The following LINGO1 variants were observed in gnomAD, a reference collection of about 807,000 sequenced individuals.
LINGO1 encodes the protein leucine-rich repeat and immunoglobulin-like domain-containing nogo receptor-interacting protein 1.
Under a neutral mutation model 37.3 loss-of-function variants are expected in LINGO1, and 11 were observed. That is an observed-to-expected ratio of 0.29 (90% CI 0.19 to 0.49). The LOEUF (loss-of-function observed/expected upper bound fraction) is 0.49. Among genes scored for constraint, LINGO1 ranks in the 20% least tolerant of loss-of-function variants. LINGO1 has a pLI of 0.99. For missense variants in LINGO1, 585 were observed against 878.2 expected (o/e 0.67, Z 4.22); for synonymous variants, 387 against 403.0 (o/e 0.96, Z 0.48).
chr15:77,706,371 G>A (rs761731561), intron 2 of LINGO1, among the ~76,000 whole-genome samples: 1 of 152,156 alleles, frequency 6.6e-6, no homozygotes, highest in African/African-American at 2.4e-5. Context: ...CAGCAGCCAG[G>A]GCAGCACTGT....
Position 77,613,729 on chromosome 15 carries a change from C to A in LINGO1, c.*315G>T. 2.9e-6 allele frequency: 1 copy of A among 346,782 alleles called. No individual in the cohort carries two copies. The highest frequency in any genetic ancestry group is 5.3e-6 in the Non-Finnish European group (1 of 190,344). The allele number at this position is 346,782 out of a possible 1,614,324, so 21.5% of individuals were successfully genotyped here. A position where few individuals can be genotyped will look rare whatever the true frequency, so the allele number is the denominator to read the frequency against. On this transcript the variant is annotated 3_prime_UTR_variant, in exon 2 of 2. Transcript: ENST00000355300. The stretch of plus-strand genomic sequence containing the variant: ...ATAAAAATCCATAATTATTGAAACC[C>A]AAGTTACAGAGAAAGTTCGTAACTT...
At chr15:77,699,711 TCCCA>T (rs2075752584), upstream of LINGO1, among the ~76,000 whole-genome samples, 1 of 2,382 alleles carries the variant, frequency 4.2e-4, no homozygotes, top group African/African-American at 1.2e-3. Flanking sequence ...TAACCATCAT[TCCCA>T]CACACAATAA....
At chr15:77,729,128 G>A (rs1001478946) in intron 2 of LINGO1, among the ~76,000 whole-genome samples, 2 of 152,202 alleles carry the variant, frequency 1.3e-5, no homozygotes, top group Admixed American at 1.3e-4. Flanking sequence ...GGGCCCAGCC[G>A]GCACTGGGAG....
At chr15:77,753,753 G>C (rs1050398299) in intron 1 of LINGO1, among the ~76,000 whole-genome samples, 14 of 152,230 alleles carry the variant, frequency 9.2e-5, no homozygotes, top group Admixed American at 6.5e-4. Context: ...CACACACCAA[G>C]TGTGCACACA....
At chr15:77,649,120 G>C (rs1268657512) in intron 3 of LINGO1, 5 of 152,248 alleles carry the variant, frequency 3.3e-5, no homozygotes, top group Non-Finnish European at 7.3e-5. Context: ...ACTAGACGTG[G>C]TAGTGACATA....
At chr15:77,682,651 CAA>C (rs1264442306) in intron 2 of LINGO1, among the ~76,000 whole-genome samples, 4 of 152,092 alleles carry the variant, frequency 2.6e-5, no homozygotes, top group African/African-American at 9.7e-5. Flanking sequence ...GAATATTTCT[CAA>C]ACTCATATTC....
chr15:77,656,965 C>G (rs934971330), intron 3 of LINGO1, among the ~76,000 whole-genome samples: 1 of 152,184 alleles, frequency 6.6e-6, no homozygotes, highest in Non-Finnish European at 1.5e-5. Flanking sequence ...GGCTTGAGCC[C>G]TCGCTTTGGC....
chr15:77,645,068 C>T (rs1183295194), intron 3 of LINGO1, among the ~76,000 whole-genome samples: 5 of 152,204 alleles, frequency 3.3e-5, no homozygotes, highest in Admixed American at 3.3e-4. Context: ...GGTGGTGGCT[C>T]ATCAGGAGTG....
At chr15:77,636,742 C>A (rs2074404285), upstream of LINGO1, among the ~76,000 whole-genome samples, 12 of 152,264 alleles carry the variant, frequency 7.9e-5, no homozygotes, top group South Asian at 2.5e-3. Context: ...CCCTAAAAGG[C>A]TGAAGTCCAG....
chr15:77,632,370 C>T lies in LINGO1; in HGVS notation c.-55G>A. On this transcript the variant is annotated 5_prime_UTR_variant, in exon 1 of 2. Coordinates refer to ENST00000355300, the MANE Select transcript of LINGO1 (RefSeq NM_032808.7). The surrounding 1 kb of genome is among the most constrained non-coding windows in gnomAD (Gnocchi z 6.0). ...GGTCACCAATCGCATGTCTCTCCAG[C>T]CGGCCCGACCAGGCCCCAGCCCCTG... 1 of 1,372,090 alleles carries T rather than the reference C, an allele frequency of 7.3e-7. No individual in the cohort carries two copies. Among genetic ancestry groups the T allele is most frequent in the Non-Finnish European group, 9.5e-7 (1 of 1,057,816 alleles). The allele number at this position is 1,372,090 out of a possible 1,614,324, so 85.0% of individuals were successfully genotyped here. A position where few individuals can be genotyped will look rare whatever the true frequency, so the allele number is the denominator to read the frequency against.
chr15:77,614,762 C>T lies in LINGO1; in HGVS notation c.1145G>A (p.Arg382Gln), dbSNP rs755607922. The T allele has an allele frequency of 2.5e-6, 4 of 1,607,656 alleles. No homozygotes were observed. The highest frequency in any genetic ancestry group is 1.3e-5 in the African/African-American group (1 of 74,854). Residue 382 changes from arginine (R) to glutamine (Q), a missense_variant, in exon 2 of 2, where the codon CGG (arginine) becomes CAG (glutamine). Arg to Gln is a conservative substitution (Grantham distance 43). Transcript: ENST00000355300. ...ACDCRLLWVFRRRWRLNFNRQ... is the reference protein window; with the variant it reads ...ACDCRLLWVFQRRWRLNFNRQ... ...GTTGAAGTTGAGCCGCCAGCGGCGC[C>T]GGAACACCCACAGGAGCCGACAGTC...
intron 1 of LINGO1, among the ~76,000 whole-genome samples, chr15:77,804,472 C>T (rs2141468298): frequency 6.6e-6 from 1 of 152,282 alleles, no homozygotes; most frequent in Admixed American, 6.5e-5. Context: ...GGGGTGAGCT[C>T]CCCATCGGGG....
intron 1 of LINGO1, among the ~76,000 whole-genome samples, chr15:77,624,522 AG>A (rs1596000053): frequency 6.6e-6 from 1 of 152,358 alleles, no homozygotes; most frequent in African/African-American, 2.4e-5. Context: ...GCCAGCTCGC[AG>A]CCCCTGGCCA....
At chr15:77,621,685 C>T (rs1297770597) in intron 1 of LINGO1, among the ~76,000 whole-genome samples, 1 of 152,190 alleles carries the variant, frequency 6.6e-6, no homozygotes, top group Non-Finnish European at 1.5e-5. Flanking sequence ...CCGACAAAAG[C>T]CTTTCCCCAA....
chr15:77,648,787 AC>A (rs2141132512), intron 3 of LINGO1: 1 of 152,294 alleles, frequency 6.6e-6, no homozygotes, highest in South Asian at 2.1e-4. Context: ...CCCAAGGGTC[AC>A]CCCTTGTGCA....
At chr15:77,805,139 G>A (rs1244141840) in intron 1 of LINGO1, among the ~76,000 whole-genome samples, 2 of 152,222 alleles carry the variant, frequency 1.3e-5, no homozygotes, top group Non-Finnish European at 2.9e-5. Context: ...ACAACTCTGT[G>A]CATGCCTCAG....
At chr15:77,789,360 G>C (rs938102211), upstream of LINGO1, among the ~76,000 whole-genome samples, 1 of 152,194 alleles carries the variant, frequency 6.6e-6, no homozygotes, top group African/African-American at 2.4e-5. Flanking sequence ...TACTGGCTGG[G>C]TGCAGTGGCC....
exon 3 of LINGO1, chr15:77,677,130 G>C (rs1274491452): frequency 6.6e-6 from 1 of 152,488 alleles, no homozygotes; most frequent in Non-Finnish European, 1.5e-5. Flanking sequence ...CTGGCCTCTG[G>C]GGGCCTGGGG....
intron 1 of LINGO1, among the ~76,000 whole-genome samples, chr15:77,749,034 A>G (rs1258924448): frequency 6.7e-6 from 1 of 148,868 alleles, no homozygotes; most frequent in Non-Finnish European, 1.5e-5. Context: ...CAGCCTCCTG[A>G]GTAGCTGGGA....
Sources: gnomAD v4.1 joint callset for allele counts (sites outside exome capture counted in the v4.1 genomes callset) on GRCh38, gnomAD v4.1.1 for gene constraint, Gnocchi (gnomAD v3.1) non-coding constraint, MANE v1.5 for transcripts, NCBI Gene and HGNC (gene_info 2026-07-23, HGNC 2026-07-21) for gene names.